USH2A: variants seen among roughly 807,000 people sequenced by gnomAD.
The protein encoded by USH2A is Usher syndrome 2A (autosomal recessive, mild).
USH2A carries 443 observed loss-of-function variants against 538.9 expected under a neutral mutation model. That is an observed-to-expected ratio of 0.82 (90% CI 0.76 to 0.89). The LOEUF (loss-of-function observed/expected upper bound fraction) is 0.89. Among genes scored for constraint, USH2A ranks in the 40% least tolerant of loss-of-function variants. The pLI is 0.00. For synonymous variants in USH2A, 2,413 were observed against 2,273.5 expected (o/e 1.06, Z -1.75); for missense variants, 6,633 against 6,324.8 (o/e 1.05, Z -1.65).
At chr1:215,722,703 A>G (rs1203199360) in intron 61 of USH2A, among the ~76,000 whole-genome samples, 1 of 152,182 alleles carries the variant, frequency 6.6e-6, no homozygotes, top group Admixed American at 6.5e-5. Flanking sequence ...AGTGACCCAT[A>G]TAATTTGCTT....
intron 61 of USH2A, among the ~76,000 whole-genome samples, chr1:215,701,888 G>A (rs1383520644): frequency 1.3e-5 from 2 of 152,190 alleles, no homozygotes; most frequent in Non-Finnish European, 2.9e-5. Context: ...TTACCCACTA[G>A]TTGATACAGT....
Position 216,198,522 on chromosome 1 carries a change from C to T in USH2A, c.3874G>A (p.Glu1292Lys), listed in dbSNP as rs765629396. The change falls in exon 18 of 72, where the codon GAG (glutamate) becomes AAG (lysine). Residue 1292 changes from glutamate (E) to lysine (K), a missense_variant. Physicochemically the swap from Glu to Lys is moderately conservative, Grantham distance 56. Transcript: ENST00000307340. ...CTGCTCTGAAAAACTCGACTTTCCT[C>T]AGATGTGGTTTCTTTAGTAGATCTC... Reference protein sequence around the residue: ...RLRSTKETTSEESRVFQSSGW... With the variant: ...RLRSTKETTSKESRVFQSSGW... 31 of 1,613,820 alleles carry T rather than the reference C, an allele frequency of 1.9e-5. No homozygotes were observed. Among genetic ancestry groups the T allele is most frequent in the Non-Finnish European group, 2.6e-5 (31 of 1,179,954 alleles).
intron 21 of USH2A, 148 bp downstream of exon 21, chr1:216,175,104 T>G: frequency 6.7e-7 from 1 of 1,490,860 alleles, no homozygotes; most frequent in African/African-American, 1.4e-5. Context: ...ATGGACATGC[T>G]GAAACAATCA....
chr1:215,634,755 G>A, intron 69 of USH2A, 52 bp from the exon 70 acceptor site: 1 of 1,613,802 alleles, frequency 6.2e-7, no homozygotes, highest in Non-Finnish European at 8.5e-7. Flanking sequence ...AAGCATTTTT[G>A]TCATCTCTGG....
intron 20 of USH2A, among the ~76,000 whole-genome samples, chr1:216,189,358 T>C (rs2034670680): frequency 6.6e-6 from 1 of 151,972 alleles, no homozygotes; most frequent in South Asian, 2.1e-4. Flanking sequence ...CAGGTAAACA[T>C]GAATTTTCGT....
At chr1:216,149,244 C>G (rs968058973) in intron 21 of USH2A, among the ~76,000 whole-genome samples, 5 of 152,120 alleles carry the variant, frequency 3.3e-5, no homozygotes, top group African/African-American at 4.8e-5. Context: ...TAAGTAGAGG[C>G]CTTTCCTACC....
Position 216,046,779 on chromosome 1 carries a change from A to T in USH2A, c.6164-187T>A, listed in dbSNP as rs181554979. Among the ~76,000 whole-genome samples the T allele has an allele frequency of 8.9e-4, 136 of 152,256 alleles. 4 individuals are homozygous for T. Among genetic ancestry groups the T allele is most frequent in the Admixed American group, 8.5e-3 (130 of 15,294 alleles). On this transcript the variant is annotated intron_variant, in intron 31 of 71. Coordinates refer to ENST00000307340, the MANE Select transcript of USH2A (RefSeq NM_206933.4). ...AAATAACTGTCCCACATTTATGAGA[A>T]TTTGTGTCAATGATGGATGAGGAGT...
At chr1:216,284,859 T>A (rs1279112088) in intron 11 of USH2A, among the ~76,000 whole-genome samples, 1 of 152,122 alleles carries the variant, frequency 6.6e-6, no homozygotes, top group Non-Finnish European at 1.5e-5. Context: ...AAGTAACTTG[T>A]GGGGAACTGG....
intron 4 of USH2A, among the ~76,000 whole-genome samples, chr1:216,355,993 G>A (rs946183116): frequency 2.0e-5 from 3 of 152,070 alleles, no homozygotes; most frequent in Non-Finnish European, 4.4e-5. Context: ...ACCCTGAAAA[G>A]TATGTGTATA....
intron 44 of USH2A, among the ~76,000 whole-genome samples, chr1:215,864,166 C>A (rs1161542255): frequency 6.6e-6 from 1 of 152,038 alleles, no homozygotes; most frequent in Non-Finnish European, 1.5e-5. Flanking sequence ...CCTTTTAAAT[C>A]CTTCTTGTTA....
chr1:215,942,902 C>T (rs1666670647), intron 37 of USH2A, among the ~76,000 whole-genome samples: 1 of 152,138 alleles, frequency 6.6e-6, no homozygotes, highest in Non-Finnish European at 1.5e-5. Flanking sequence ...GCTGGTGTTC[C>T]CAGGTGTGGG....
intron 4 of USH2A, among the ~76,000 whole-genome samples, chr1:216,359,180 A>T (rs545321385): frequency 9.9e-5 from 15 of 152,246 alleles, no homozygotes; most frequent in African/African-American, 3.6e-4. Flanking sequence ...TTGATCTAAG[A>T]GCATACACAA....
chr1:216,415,508 CTTTTTTTTTTTTT>C (rs71161423), intron 3 of USH2A, among the ~76,000 whole-genome samples: 1 of 96,908 alleles, frequency 1.0e-5, no homozygotes, highest in Non-Finnish European at 2.0e-5. Flanking sequence ...CTTCCTGTCA[CTTTTTTTTTTTTT>C]TTTTTTTTTT....
intron 37 of USH2A, among the ~76,000 whole-genome samples, chr1:215,954,944 T>A (rs1330429242): frequency 1.3e-5 from 2 of 152,132 alleles, no homozygotes; most frequent in Non-Finnish European, 2.9e-5. Context: ...CCTTTACAAA[T>A]GCCATTCACT....
intron 44 of USH2A, among the ~76,000 whole-genome samples, chr1:215,866,568 C>T (rs560743175): frequency 7.2e-5 from 11 of 152,150 alleles, no homozygotes; most frequent in East Asian, 3.9e-4. Context: ...TGCTAATGAG[C>T]GACGAGTTAC....
At chr1:215,992,165 T>C (rs2102475908) in intron 35 of USH2A, among the ~76,000 whole-genome samples, 1 of 152,312 alleles carries the variant, frequency 6.6e-6, no homozygotes, top group South Asian at 2.1e-4. Flanking sequence ...TCTTTTTGGC[T>C]GTGCTAAAAG....
chr1:215,833,338 GTATAGATATACA>G, intron 47 of USH2A, among the ~76,000 whole-genome samples: 1 of 151,806 alleles, frequency 6.6e-6, no homozygotes, highest in East Asian at 1.9e-4. Context: ...TGCGATATTG[GTATAGATATACA>G]TATTGATAAA....
intron 47 of USH2A, among the ~76,000 whole-genome samples, chr1:215,822,289 C>G (rs1663034574): frequency 1.3e-5 from 2 of 151,830 alleles, no homozygotes; most frequent in South Asian, 4.1e-4. Context: ...GTATCTTACT[C>G]AATTTCTTTC....
chr1:216,377,027 CA>C (rs1169366006), intron 3 of USH2A, among the ~76,000 whole-genome samples: 1 of 152,102 alleles, frequency 6.6e-6, no homozygotes, highest in Admixed American at 6.6e-5. Context: ...ACCTATGCTT[CA>C]GCCATTTTGT....
Sources: allele counts gnomAD v4.1 joint callset (sites outside exome capture counted in the v4.1 genomes callset), GRCh38; gene constraint gnomAD v4.1.1; transcripts MANE v1.5; gene names NCBI Gene and HGNC (gene_info 2026-07-23, HGNC 2026-07-21).